ATG5: variants seen among roughly 807,000 people sequenced by gnomAD.
ATG5 encodes autophagy protein 5.
In ATG5, 14 loss-of-function variants were observed where a neutral mutation model predicts 36.5. That is an observed-to-expected ratio of 0.38 (90% CI 0.25 to 0.60). The LOEUF is 0.60. Ranked by LOEUF, ATG5 falls within the 20% of genes least tolerant of loss-of-function variation. The probability of loss-of-function intolerance (pLI) is 0.60; values close to 1 mark genes in which losing one functional copy is unlikely to be tolerated. For synonymous variants in ATG5, 95 were observed against 101.5 expected (o/e 0.94, Z 0.38); for missense variants, 195 against 326.7 (o/e 0.60, Z 3.11).
chr6:106,257,921 C>T (rs1433772874), intron 5 of ATG5, among the ~76,000 whole-genome samples: 1 of 151,924 alleles, frequency 6.6e-6, no homozygotes, highest in Admixed American at 6.6e-5. Context: ...TCTATCAAAC[C>T]CCTTGCTCCC....
chr6:106,219,974 A>G (rs947693124), intron 6 of ATG5, among the ~76,000 whole-genome samples: 42 of 152,286 alleles, frequency 2.8e-4, no homozygotes, highest in African/African-American at 9.6e-4. Flanking sequence ...TCCAAGCAAT[A>G]TAACAGTGGT....
At chr6:106,268,286 T>G (rs547073228) in intron 5 of ATG5, among the ~76,000 whole-genome samples, 6 of 152,180 alleles carry the variant, frequency 3.9e-5, no homozygotes, top group Non-Finnish European at 5.9e-5. Flanking sequence ...AAAGCTCATC[T>G]TCACTGATCA....
chr6:106,208,253 T>C (rs1182173801), intron 6 of ATG5, among the ~76,000 whole-genome samples: 2 of 152,172 alleles, frequency 1.3e-5, no homozygotes, highest in Non-Finnish European at 2.9e-5. Flanking sequence ...TATATATACA[T>C]CTGTGTAAAC....
intron 5 of ATG5, among the ~76,000 whole-genome samples, chr6:106,251,683 A>AGGG (rs1778591427): frequency 3.3e-5 from 1 of 30,012 alleles, no homozygotes; most frequent in African/African-American, 1.3e-4. Context: ...GGGGGAGAGA[A>AGGG]AGAAAGACAG....
chr6:106,193,581 A>C (rs1776055664), intron 7 of ATG5, among the ~76,000 whole-genome samples: 1 of 152,212 alleles, frequency 6.6e-6, no homozygotes. Context: ...AACTGATTAA[A>C]AGCTTCCTGA....
At chr6:106,252,759 G>A (rs1366327816) in intron 5 of ATG5, among the ~76,000 whole-genome samples, 1 of 152,120 alleles carries the variant, frequency 6.6e-6, no homozygotes. Flanking sequence ...CCTCATGCAG[G>A]AAACCGATGA....
At chr6:106,304,520 T>C (rs1770356152) in intron 3 of ATG5, among the ~76,000 whole-genome samples, 1 of 151,980 alleles carries the variant, frequency 6.6e-6, no homozygotes. Context: ...AAACCACTGA[T>C]ACACGCAAAA....
At chr6:106,273,175 AAT>A (rs145468794) in intron 5 of ATG5, among the ~76,000 whole-genome samples, 235 of 152,354 alleles carry the variant, frequency 1.5e-3, no homozygotes, top group African/African-American at 5.5e-3. Flanking sequence ...TCTACTTAGG[AAT>A]CTACTTTTAC....
At chr6:106,208,558 GA>G (rs954014462) in intron 6 of ATG5, among the ~76,000 whole-genome samples, 25 of 144,328 alleles carry the variant, frequency 1.7e-4, no homozygotes, top group African/African-American at 1.8e-4. Context: ...ATATGGCAAG[GA>G]AAAAAAAAAG....
At chr6:106,260,227 T>C (rs1778963382) in intron 5 of ATG5, among the ~76,000 whole-genome samples, 1 of 152,226 alleles carries the variant, frequency 6.6e-6, no homozygotes, top group Non-Finnish European at 1.5e-5. Context: ...CTGCACGTTG[T>C]GCACATGTAC....
rs114742535 is a variant in ATG5 at position 106,210,255 on chromosome 6, G to C, written c.574-8166C>G. Among the ~76,000 whole-genome samples the C allele has an allele frequency of 2.9e-3, 443 of 152,192 alleles. 3 individuals carry two copies. The highest frequency in any genetic ancestry group is 9.5e-3 in the African/African-American group (395 of 41,534). On this transcript the variant is annotated intron_variant, in intron 6 of 7. Transcript: ENST00000369076. Reference sequence around the variant, plus strand: ...TTCTCCATCCTGGCTGAAAAACCCAGAACAGTCAATTAAGGCTCAAAACAA... The same window carrying C: ...TTCTCCATCCTGGCTGAAAAACCCACAACAGTCAATTAAGGCTCAAAACAA...
intron 6 of ATG5, among the ~76,000 whole-genome samples, chr6:106,208,568 A>C (rs1043408825): frequency 6.6e-6 from 1 of 152,124 alleles, no homozygotes; most frequent in African/African-American, 2.4e-5. Context: ...GAAAAAAAAA[A>C]GGGCAAAGTC....
intron 4 of ATG5, 99 bp downstream of exon 4, chr6:106,292,929 G>A: frequency 1.1e-6 from 1 of 932,216 alleles, no homozygotes; most frequent in South Asian, 1.6e-5. Flanking sequence ...AGTGTCAGGG[G>A]AAAAGCAATA....
At chr6:106,198,789 AG>A (rs1776304887) in intron 7 of ATG5, among the ~76,000 whole-genome samples, 2 of 138,460 alleles carry the variant, frequency 1.4e-5, no homozygotes, top group East Asian at 4.3e-4. Context: ...AAAAAAAAAG[AG>A]AGAGAGTGAG....
chr6:106,322,242 T>C (rs1771109710), intron 1 of ATG5, among the ~76,000 whole-genome samples: 1 of 152,190 alleles, frequency 6.6e-6, no homozygotes, highest in Admixed American at 6.5e-5. Context: ...CAATCAGTCA[T>C]TCAGAAAATG....
At chr6:106,264,365 T>C (rs1258083015) in intron 5 of ATG5, among the ~76,000 whole-genome samples, 1 of 151,908 alleles carries the variant, frequency 6.6e-6, no homozygotes, top group Non-Finnish European at 1.5e-5. Flanking sequence ...AAACTTACAA[T>C]CGGTGTACCT....
chr6:106,192,849 C>A (rs1477248967), intron 7 of ATG5, among the ~76,000 whole-genome samples: 1 of 152,154 alleles, frequency 6.6e-6, no homozygotes, highest in Non-Finnish European at 1.5e-5. Flanking sequence ...CTGACAAATT[C>A]TTTAACCTCT....
chr6:106,194,528 C>CT (rs1236884968), intron 7 of ATG5, among the ~76,000 whole-genome samples: 1 of 151,054 alleles, frequency 6.6e-6, no homozygotes, highest in Non-Finnish European at 1.5e-5. Context: ...ACCATTTTTT[C>CT]TTTTCTTTTT....
chr6:106,207,243 A>G (rs1003076749), intron 6 of ATG5, among the ~76,000 whole-genome samples: 5 of 152,234 alleles, frequency 3.3e-5, no homozygotes, highest in Non-Finnish European at 7.3e-5. Flanking sequence ...TGCCTTCACC[A>G]ATACAGCAAT....
Sources: allele counts gnomAD v4.1 joint callset (sites outside exome capture counted in the v4.1 genomes callset), GRCh38; gene constraint gnomAD v4.1.1; transcripts MANE v1.5; gene names NCBI Gene and HGNC (gene_info 2026-07-23, HGNC 2026-07-21).